The following MYO9B variants were observed in gnomAD, a reference collection of about 807,000 sequenced individuals.
MYO9B encodes the protein unconventional myosin-IXb.
MYO9B carries 71 observed loss-of-function variants against 229.5 expected under a neutral mutation model. The observed-to-expected ratio is 0.31, with a 90% CI of 0.26 to 0.38. The LOEUF is 0.38. MYO9B is among the 10% of genes least tolerant of loss of function. The pLI is 1.00. For missense variants in MYO9B, 2,255 were observed against 2,920.5 expected (o/e 0.77, Z 5.25); for synonymous variants, 1,185 against 1,235.8 (o/e 0.96, Z 0.86).
rs760716924 is a variant in MYO9B, at chr19:17,184,981, G to A, written c.2490G>A (p.Gln830=). The A allele has an allele frequency of 1.2e-6, 2 of 1,613,794 alleles. No individual in the cohort carries two copies. The highest frequency in any genetic ancestry group is 1.7e-6 in the Non-Finnish European group (2 of 1,179,834). Residue 830 remains glutamine (Q), a synonymous_variant, in exon 17 of 40, where the codon CAG becomes CAA. Transcript: ENST00000682292. ...KKKKPPSISA[Q]FQTSLNKLLE... ...AAAAGCCACCAAGCATCAGCGCCCA[G>A]TTCCAGGTAGGTGGAGCAGGAGAGG...
Position 17,152,869 on chromosome 19 carries a change from A to T in MYO9B, c.998+163A>T, listed in dbSNP as rs190291458. The T allele has an allele frequency of 3.3e-4, 204 of 621,242 alleles. 1 individual carries two copies. The East Asian group carries it at 5.6e-3, about 17-fold the overall frequency. 38.5% of individuals were successfully genotyped at this position (621,242 alleles called of 1,614,324 possible). A position where few individuals can be genotyped will look rare whatever the true frequency, so the allele number is the denominator to read the frequency against. Reference sequence around the variant, plus strand: ...GCCTGCCCATCCATCTTCTCCCCAGACCTGCCCCTGTGGCCTCACACTTTG... The same window carrying T: ...GCCTGCCCATCCATCTTCTCCCCAGTCCTGCCCCTGTGGCCTCACACTTTG... On this transcript the variant is annotated intron_variant, in intron 4 of 39. Coordinates refer to ENST00000682292, the MANE Select transcript of MYO9B (RefSeq NM_004145.4).
At chr19:17,098,759 A>G (rs1266379231) in intron 1 of MYO9B, among the ~76,000 whole-genome samples, 2 of 152,078 alleles carry the variant, frequency 1.3e-5, no homozygotes, top group Admixed American at 6.6e-5. Flanking sequence ...TGAGGCCCCC[A>G]TCTCTACAGA....
intron 1 of MYO9B, among the ~76,000 whole-genome samples, chr19:17,097,560 A>G (rs73518864): frequency 0.023 from 3,565 of 152,266 alleles, 154 homozygotes; most frequent in African/African-American, 0.082. Context: ...GGGAGAAAAC[A>G]TGACAGTTAC....
chr19:17,081,187 C>G (rs1019160894), intron 1 of MYO9B, among the ~76,000 whole-genome samples: 1 of 151,972 alleles, frequency 6.6e-6, no homozygotes, highest in Admixed American at 6.6e-5. Flanking sequence ...GCCACCACGC[C>G]CAGCTACTTT....
rs949477414 is a variant in MYO9B at position 17,154,135 on chromosome 19, C to T, written c.1098+69C>T. 8 of 1,502,454 alleles carry T rather than the reference C, an allele frequency of 5.3e-6. No individual in the cohort carries two copies. In the African/African-American group the frequency reaches 6.9e-5, roughly 13 times the overall value. The allele number at this position is 1,502,454 out of a possible 1,614,324, so 93.1% of individuals were successfully genotyped here. On this transcript the variant is annotated intron_variant, in intron 5 of 39. Transcript: ENST00000682292. ...CGGCCTCAAGCTGTTTATGTATAGC[C>T]GGGAAGTCAGAGGCAGCCTGCCCTG...
chr19:17,105,206 T>C (rs1309565990), intron 2 of MYO9B, among the ~76,000 whole-genome samples: 2 of 151,298 alleles, frequency 1.3e-5, no homozygotes, highest in African/African-American at 2.4e-5. Context: ...TGCATGTCAG[T>C]TGGGCACGGT....
At chr19:17,189,686 C>T (rs886344785) in intron 19 of MYO9B, among the ~76,000 whole-genome samples, 1 of 152,020 alleles carries the variant, frequency 6.6e-6, no homozygotes, top group Non-Finnish European at 1.5e-5. Flanking sequence ...CTGTAAGCCC[C>T]ATTGCAAGGG....
intron 14 of MYO9B, among the ~76,000 whole-genome samples, chr19:17,178,895 G>A (rs370320078): frequency 4.6e-5 from 7 of 151,946 alleles, no homozygotes; most frequent in Non-Finnish European, 7.4e-5. Context: ...TTAGCCAGGC[G>A]TGGTGTGCAC....
At position 17,101,787 on chromosome 19, in the gene MYO9B, C is replaced by G. The variant is rs1412252386; in HGVS notation, c.70C>G (p.Gln24Glu). Residue 24 changes from glutamine (Q) to glutamate (E), a missense_variant, in exon 2 of 40, where the codon CAG becomes GAG. Gln to Glu is a conservative substitution (Grantham distance 29). Around this residue, in one of 7 missense-constraint regions of MYO9B, gnomAD observed 386 missense variants for 515.2 expected, o/e 0.75. Coordinates refer to ENST00000682292, the MANE Select transcript of MYO9B (RefSeq NM_004145.4). The surrounding 1 kb of genome is among the most constrained non-coding windows in gnomAD (Gnocchi z 4.7). ...GGCCTACCACCTGCACATCTACCCC[C>G]AGCTGTCCACCACCGAGAGCCAGGC... ...QAAYHLHIYPQLSTTESQASC... is the reference protein window; with the variant it reads ...QAAYHLHIYPELSTTESQASC... 8 of 1,598,344 alleles carry G rather than the reference C, an allele frequency of 5.0e-6. No individual in the cohort carries two copies. The highest frequency in any genetic ancestry group is 6.8e-6 in the Non-Finnish European group (8 of 1,176,370).
intron 23 of MYO9B, 112 bp from the exon 24 acceptor site, chr19:17,198,072 A>T: frequency 1.3e-6 from 2 of 1,488,376 alleles, no homozygotes; most frequent in Non-Finnish European, 1.8e-6. Flanking sequence ...CAAAAAAAAA[A>T]AAAGCAGGAA....
intron 2 of MYO9B, among the ~76,000 whole-genome samples, chr19:17,127,156 T>G (rs2072131903): frequency 7.1e-6 from 1 of 141,046 alleles, no homozygotes; most frequent in Non-Finnish European, 1.5e-5. Context: ...GGACTACAGG[T>G]GCACACCACC....
intron 21 of MYO9B, 80 bp from the exon 22 acceptor site, chr19:17,194,476 T>C: frequency 6.6e-7 from 1 of 1,504,514 alleles, no homozygotes; most frequent in Non-Finnish European, 9.0e-7. Context: ...GCCCGCAGGC[T>C]GGGGGTCCCA....
chr19:17,107,007 G>C (rs955349487), intron 2 of MYO9B, among the ~76,000 whole-genome samples: 1 of 152,176 alleles, frequency 6.6e-6, no homozygotes, highest in African/African-American at 2.4e-5. Context: ...AGGTTGCAGT[G>C]AGCCAATATC....
At chr19:17,169,872 A>G (rs2072703951) in intron 11 of MYO9B, among the ~76,000 whole-genome samples, 1 of 119,396 alleles carries the variant, frequency 8.4e-6, no homozygotes, top group Non-Finnish European at 1.6e-5. Context: ...GCTGGAGGGT[A>G]GTGGCGCCAT....
intron 13 of MYO9B, 79 bp downstream of exon 13, chr19:17,173,042 C>T: frequency 6.7e-7 from 1 of 1,483,388 alleles, no homozygotes; most frequent in East Asian, 2.3e-5. Context: ...AAAGTGAACA[C>T]TTCAGTGGCA....
Position 17,161,200 on chromosome 19 carries a change from C to T in MYO9B, c.1420-1150C>T, listed in dbSNP as rs150585068. ...CCCTCCTTGCTGGTTCTACCACAGT[C>T]GCACGCCCCACCCCCTCCCCGAGCC... is the stretch of plus-strand genomic sequence containing the variant. On this transcript the variant is annotated intron_variant, in intron 8 of 39. Transcript: ENST00000682292. 8.3e-3 allele frequency among the ~76,000 whole-genome samples: 1,257 copies of T among 152,182 alleles called. 17 individuals are homozygous for T. Among genetic ancestry groups the T allele is most frequent in the African/African-American group, 0.029 (1,197 of 41,526 alleles).
intron 1 of MYO9B, among the ~76,000 whole-genome samples, chr19:17,098,128 C>T (rs967163099): frequency 3.3e-5 from 5 of 151,030 alleles, no homozygotes; most frequent in East Asian, 2.0e-4. Flanking sequence ...GATTGCGGCT[C>T]GCTACAACCT....
At chr19:17,202,808 G>T (rs758851075) in intron 28 of MYO9B, 34 bp from the exon 29 acceptor site, 1 of 1,566,220 alleles carries the variant, frequency 6.4e-7, no homozygotes. Context: ...TCCCAGGGGG[G>T]CCCCCGCCAA....
intron 36 of MYO9B, among the ~76,000 whole-genome samples, chr19:17,210,018 A>G (rs1482709976): frequency 2.0e-5 from 3 of 152,032 alleles, no homozygotes; most frequent in Non-Finnish European, 2.9e-5. Flanking sequence ...ACGAAAGACG[A>G]TGGTCCTCGC....
Sources: allele counts gnomAD v4.1 joint callset (sites outside exome capture counted in the v4.1 genomes callset), GRCh38; gene constraint gnomAD v4.1.1; regional missense constraint gnomAD v4.1.1; non-coding constraint Gnocchi (gnomAD v3.1); transcripts MANE v1.5; gene names NCBI Gene and HGNC (gene_info 2026-07-23, HGNC 2026-07-21).